The following BNIPL variants were observed in gnomAD, a reference collection of about 807,000 sequenced individuals.
The protein encoded by BNIPL is bcl-2/adenovirus E1B 19 kDa-interacting protein 2-like protein.
A neutral mutation model predicts 47.0 loss-of-function variants in BNIPL; 33 were observed. That is an observed-to-expected ratio of 0.70 (90% CI 0.53 to 0.94). The LOEUF is 0.94. Among genes scored for constraint, BNIPL ranks in the 40% least tolerant of loss-of-function variants. BNIPL has a pLI of 0.00. For synonymous variants in BNIPL, 145 were observed against 162.7 expected (o/e 0.89, Z 0.83); for missense variants, 404 against 445.2 (o/e 0.91, Z 0.83).
In BNIPL at chr1:151,047,511, T is replaced by C. The variant is rs1676074674; in HGVS notation, c.*824T>C. On this transcript the variant is annotated 3_prime_UTR_variant, in exon 10 of 10. Coordinates refer to ENST00000368931, the MANE Select transcript of BNIPL (RefSeq NM_138278.4). ...TGCCTGTGAGCCTGGGAAGGAGTGC[T>C]TTCAAAACCTGTATTTTTGCCCTCT... 2 of 276,942 alleles carry C rather than the reference T, an allele frequency of 7.2e-6. No individual in the cohort carries two copies. Among genetic ancestry groups the C allele is most frequent in the South Asian group, 2.0e-4 (2 of 9,888 alleles). 17.2% of individuals were successfully genotyped at this position (276,942 alleles called of 1,614,324 possible). A position where few individuals can be genotyped will look rare whatever the true frequency, so the allele number is the denominator to read the frequency against.
chr1:151,041,746 G>A (rs1675829716), intron 4 of BNIPL, among the ~76,000 whole-genome samples: 1 of 152,216 alleles, frequency 6.6e-6, no homozygotes. Flanking sequence ...TGCCAAGGCA[G>A]GTAGATCACC....
intron 7 of BNIPL, chr1:151,045,558 CAAAAA>C (rs587769189): frequency 2.0e-4 from 49 of 249,920 alleles, no homozygotes; most frequent in Non-Finnish European, 2.6e-4. Context: ...GACTCCGTCT[CAAAAA>C]AAAAAAAAAA....
chr1:151,045,623 A>G (rs982235217), intron 7 of BNIPL, 174 bp from the exon 8 acceptor site: 3 of 1,196,458 alleles, frequency 2.5e-6, no homozygotes, highest in Non-Finnish European at 3.4e-6. Flanking sequence ...AGGGCTAAAT[A>G]AGATGGGTGG....
chr1:151,046,017 G>A lies in BNIPL; in HGVS notation c.939-50G>A, dbSNP rs199701386. 351 of 1,612,368 alleles carry A rather than the reference G, an allele frequency of 2.2e-4. No homozygotes were observed. The Middle Eastern group carries it at 2.5e-3, about 11-fold the overall frequency. On this transcript the variant is annotated intron_variant, in intron 8 of 9. Coordinates refer to ENST00000368931, the MANE Select transcript of BNIPL (RefSeq NM_138278.4). The stretch of plus-strand genomic sequence containing the variant: ...ACATTTTTCTTTGCAAGGATTTTTG[G>A]GAACCCTTCTCCCAATACAAAACAC...
Position 151,045,978 on chromosome 1 carries a change from A to G in BNIPL, c.939-89A>G. The G allele has an allele frequency of 2.5e-6, 4 of 1,612,780 alleles. No homozygotes were observed. In the Admixed American group the frequency reaches 6.7e-5, roughly 27 times the overall value. ...TCCACCTTGATTCTTTCTAGCCTTA[A>G]CCACTCTACTTCTACATTTTTCTTT... On this transcript the variant is annotated intron_variant, in intron 8 of 9. Coordinates refer to ENST00000368931, the MANE Select transcript of BNIPL (RefSeq NM_138278.4).
chr1:151,036,624 C>T lies in BNIPL; in HGVS notation c.-102C>T, dbSNP rs1418531803. ...CCCTCCTTGGAGGCAAGAGCTACAA[C>T]AGCTGAGACAGAAAAGAGGTAAGGA... is the stretch of plus-strand genomic sequence containing the variant. On this transcript the variant is annotated 5_prime_UTR_variant, in exon 1 of 10. Transcript: ENST00000368931. The T allele has an allele frequency of 3.6e-6, 4 of 1,109,896 alleles. No homozygotes were observed. The highest frequency in any genetic ancestry group is 1.8e-5 in the Admixed American group (1 of 56,446). The allele number at this position is 1,109,896 out of a possible 1,614,324, so 68.8% of individuals were successfully genotyped here.
In BNIPL at chr1:151,043,648, C is replaced by A; in HGVS notation, c.772C>A (p.His258Asn). Residue 258 changes from histidine to asparagine, a missense_variant, in exon 7 of 10, where the codon CAT becomes AAT. Physicochemically the swap from His to Asn is moderately conservative, Grantham distance 68. Transcript: ENST00000368931. ...AGTAGCTGAAAATTACCTGCTTGTT[C>A]ATTTGAGTGGAGGCACAAGCAGGGC... ...LLVAENYLLV[H>N]LSGGTSRAQV... 6.2e-7 allele frequency: 1 copy of A among 1,611,536 alleles called. No individual in the cohort carries two copies. Among genetic ancestry groups the A allele is most frequent in the South Asian group, 1.1e-5 (1 of 91,028 alleles).
At position 151,038,537 on chromosome 1, in the gene BNIPL, T is replaced by C; in HGVS notation, c.171T>C (p.Asp57=). 6.2e-7 allele frequency: 1 copy of C among 1,613,896 alleles called. No homozygotes were observed. Among genetic ancestry groups the C allele is most frequent in the South Asian group, 1.1e-5 (1 of 91,074 alleles). The part of the protein sequence containing the change: ...LLPEEAGTSE[D]PEDPKGDSQA... Reference sequence around the variant, plus strand: ...CTGAGGAGGCTGGCACTTCTGAAGATCCTGAAGACCCTAAAGGAGATTCAC... The same window carrying C: ...CTGAGGAGGCTGGCACTTCTGAAGACCCTGAAGACCCTAAAGGAGATTCAC... Residue 57 remains aspartate (D), a synonymous_variant, in exon 3 of 10, where the codon GAT becomes GAC. Transcript: ENST00000368931.
Position 151,043,152 on chromosome 1 carries a change from T to C in BNIPL, c.616+14T>C, listed in dbSNP as rs1675890354. The C allele has an allele frequency of 6.2e-7, 1 of 1,606,532 alleles. No homozygotes were observed. Among genetic ancestry groups the C allele is most frequent in the Admixed American group, 1.7e-5 (1 of 59,772 alleles). On this transcript the variant is annotated intron_variant, in intron 5 of 9. Transcript: ENST00000368931. ...TGTCTCATGGAGGTAATGGCTAGCA[T>C]AATGCAGGTGTTAAGAGCTATGGCT...
intron 2 of BNIPL, 24 bp from the exon 3 acceptor site, chr1:151,038,479 CG>C (rs778736443): frequency 1.3e-6 from 2 of 1,581,544 alleles, no homozygotes; most frequent in Non-Finnish European, 8.7e-7. Flanking sequence ...ATATGTCTGC[CG>C]CCTTTTAATC....
At chr1:151,045,274 A>G (rs2102967456) in intron 7 of BNIPL, among the ~76,000 whole-genome samples, 1 of 114,548 alleles carries the variant, frequency 8.7e-6, no homozygotes, top group East Asian at 2.2e-4. Context: ...CTCAAAAAAA[A>G]AAAAAAAAAA....
intron 1 of BNIPL, 53 bp from the exon 2 acceptor site, chr1:151,037,514 T>C: frequency 6.5e-7 from 1 of 1,549,738 alleles, no homozygotes; most frequent in Non-Finnish European, 8.7e-7. Flanking sequence ...ATTTCAATTA[T>C]TCTTACCTAC....
intron 7 of BNIPL, 149 bp from the exon 8 acceptor site, chr1:151,045,648 C>A: frequency 7.2e-7 from 1 of 1,384,842 alleles, no homozygotes; most frequent in Admixed American, 2.7e-5. Flanking sequence ...GAGATTACAG[C>A]TGACGGAATG....
chr1:151,038,772 TTC>T, intron 3 of BNIPL, 22 bp from the exon 4 acceptor site: 2 of 1,559,098 alleles, frequency 1.3e-6, no homozygotes, highest in Non-Finnish European at 1.7e-6. Context: ...CCCATCTTGG[TTC>T]TCTTTTTCCC....
chr1:151,042,754 C>A (rs987117987), intron 4 of BNIPL, among the ~76,000 whole-genome samples: 3 of 150,776 alleles, frequency 2.0e-5, no homozygotes, highest in Admixed American at 6.6e-5. Context: ...GTGGAGGTTG[C>A]AGTGAGCTGA....
At position 151,037,547 on chromosome 1, in the gene BNIPL, C is replaced by T. The variant is rs781271605; in HGVS notation, c.42-20C>T. 1.3e-6 allele frequency: 2 copies of T among 1,587,324 alleles called. No individual in the cohort carries two copies. Among genetic ancestry groups the T allele is most frequent in the African/African-American group, 1.3e-5 (1 of 74,272 alleles). On this transcript the variant is annotated intron_variant, in intron 1 of 9. Coordinates refer to ENST00000368931, the MANE Select transcript of BNIPL (RefSeq NM_138278.4). ...TACTATTCAGTTCCCTTGATCTTTT[C>T]TTCTTGGGGGCTGTCTTAGGGTCAG...
intron 1 of BNIPL, 145 bp downstream of exon 1, chr1:151,036,911 G>T: frequency 1.4e-6 from 1 of 736,844 alleles, no homozygotes; most frequent in Admixed American, 2.3e-5. Flanking sequence ...AGAGATGAGG[G>T]TGGTTTTAGG....
At chr1:151,045,266 CAAAAA>C (rs35529687) in intron 7 of BNIPL, among the ~76,000 whole-genome samples, 4 of 52,366 alleles carry the variant, frequency 7.6e-5, no homozygotes, top group African/African-American at 2.2e-4. Flanking sequence ...GATTCCATCT[CAAAAA>C]AAAAAAAAAA....
At chr1:151,046,517 C>A in intron 9 of BNIPL, 134 bp from the exon 10 acceptor site, 3 of 804,182 alleles carry the variant, frequency 3.7e-6, no homozygotes, top group Non-Finnish European at 2.0e-6. Context: ...TGTTAGGGAG[C>A]AAAAGTGCTA....
Sources: allele counts gnomAD v4.1 joint callset (sites outside exome capture counted in the v4.1 genomes callset), GRCh38; gene constraint gnomAD v4.1.1; transcripts MANE v1.5; gene names NCBI Gene and HGNC (gene_info 2026-07-23, HGNC 2026-07-21).